Variants in AP1B1 observed in about 807,000 individuals in gnomAD.
AP1B1 encodes the protein adaptor related protein complex 1 subunit beta 1, also known as AP-1 complex subunit beta-1.
A neutral mutation model predicts 104.3 loss-of-function variants in AP1B1; 36 were observed. That is an observed-to-expected ratio of 0.35 (90% confidence interval 0.26 to 0.46). The LOEUF (loss-of-function observed/expected upper bound fraction) is 0.46, where lower values mean the gene tolerates loss of function less well. Among genes scored for constraint, AP1B1 ranks in the 20% least tolerant of loss-of-function variants. AP1B1 has a pLI of 1.00. For synonymous variants in AP1B1, 504 were observed against 517.5 expected (o/e 0.97, Z 0.35); for missense variants, 901 against 1,247.9 (o/e 0.72, Z 4.19).
In AP1B1 at chr22:29,327,852, G is replaced by A. The variant is rs1002849653; in HGVS notation, c.*969C>T. ...TTCGGTGGAGGGGAAAAAAGTGTCC[G>A]TGATTGCCAAAAGCCGAATCTTTCT... is the stretch of plus-strand genomic sequence containing the variant. On this transcript the variant is annotated 3_prime_UTR_variant, in exon 23 of 23. Transcript: ENST00000357586. 78 of 152,286 alleles carry A rather than the reference G, an allele frequency of 5.1e-4. No homozygotes were observed. The highest frequency in any genetic ancestry group is 1.7e-3 in the African/African-American group (72 of 41,534). 9.4% of individuals were successfully genotyped at this position (152,286 alleles called of 1,614,324 possible).
At chr22:29,347,400 T>C (rs1022983113) in intron 11 of AP1B1, among the ~76,000 whole-genome samples, 5 of 152,228 alleles carry the variant, frequency 3.3e-5, no homozygotes, top group Non-Finnish European at 7.3e-5. Context: ...GAAGATCTAA[T>C]GATTCTCATT....
chr22:29,361,940 C>A (rs1000268417), intron 3 of AP1B1, among the ~76,000 whole-genome samples: 7 of 152,066 alleles, frequency 4.6e-5, no homozygotes, highest in Non-Finnish European at 7.4e-5. Flanking sequence ...ATTACAGGTG[C>A]CCACCACCAC....
intron 1 of AP1B1, among the ~76,000 whole-genome samples, chr22:29,374,108 G>A (rs2062292440): frequency 6.8e-6 from 1 of 147,576 alleles, no homozygotes; most frequent in South Asian, 2.1e-4. Flanking sequence ...GGCTGAGGTG[G>A]GAGAATCGCT....
rs1204902050 is a variant in AP1B1, at chr22:29,363,054, C to T, written c.90G>A (p.Lys30=). Residue 30 remains lysine (K), a synonymous_variant, in exon 3 of 23, where the codon AAG becomes AAA. Transcript: ENST00000357586. ...CAATCACTTTCTTCACTGCCTCCTT[C>T]TTCTTCTCCTTCTTGTCACTGTTGA... ...AELNSDKKEK[K]KEAVKKVIAS... is the part of the protein sequence containing the mutation. The T allele has an allele frequency of 7.6e-6, 12 of 1,571,034 alleles. No individual in the cohort carries two copies. In the South Asian group the frequency reaches 1.2e-4, roughly 16 times the overall value.
intron 17 of AP1B1, among the ~76,000 whole-genome samples, chr22:29,333,876 C>G (rs193032916): frequency 2.6e-5 from 4 of 151,810 alleles, no homozygotes; most frequent in Non-Finnish European, 5.9e-5. Flanking sequence ...CCAGCCTGGG[C>G]AAGATGGTGA....
chr22:29,350,158 G>A lies in AP1B1; in HGVS notation c.1156-8C>T, dbSNP rs777595249. On this transcript the variant is annotated splice_polypyrimidine_tract_variant and splice_region_variant and intron_variant, in intron 9 of 22. Coordinates refer to ENST00000357586, the MANE Select transcript of AP1B1 (RefSeq NM_001127.4). ...ACAGCGCTCCGCAGATTGCTGCATG[G>A]GAAGAGAAGAGTGTGGGCGAGGTCC... 3 of 1,612,642 alleles carry A rather than the reference G, an allele frequency of 1.9e-6. No individual in the cohort carries two copies. Among genetic ancestry groups the A allele is most frequent in the South Asian group, 2.2e-5 (2 of 91,052 alleles).
At chr22:29,378,710 T>G (rs1216252936) in intron 1 of AP1B1, among the ~76,000 whole-genome samples, 4 of 151,162 alleles carry the variant, frequency 2.6e-5, no homozygotes, top group Admixed American at 1.3e-4. Flanking sequence ...ATACAAAAAA[T>G]TAGCTGGGCC....
intron 11 of AP1B1, 49 bp from the exon 12 acceptor site, chr22:29,342,432 A>G: frequency 1.4e-6 from 2 of 1,480,632 alleles, no homozygotes; most frequent in South Asian, 2.3e-5. Flanking sequence ...TCACATGGGG[A>G]TAGAGGGAGA....
rs979151948 is a variant in AP1B1, at chr22:29,328,633, C to T, written c.*188G>A. On this transcript the variant is annotated 3_prime_UTR_variant, in exon 23 of 23. Coordinates refer to ENST00000357586, the MANE Select transcript of AP1B1 (RefSeq NM_001127.4). This position sits in a 1 kb window ranked among gnomAD's most constrained non-coding sequence, Gnocchi z 4.1. ...TGTCCCAGAGCACGGGAGTGCACTG[C>T]GCTCTCACCCCAGGAGGGGGTGGTG... 2.4e-5 allele frequency: 16 copies of T among 659,176 alleles called. No homozygotes were observed. Among genetic ancestry groups the T allele is most frequent in the Admixed American group, 5.9e-5 (2 of 34,170 alleles). The allele number at this position is 659,176 out of a possible 1,614,324, so 40.8% of individuals were successfully genotyped here.
intron 22 of AP1B1, chr22:29,329,164 C>T (rs2061519384): frequency 1.3e-5 from 17 of 1,286,098 alleles, no homozygotes; most frequent in South Asian, 8.4e-5. Flanking sequence ...AGTCACGAGC[C>T]GGAGGCTGCC....
chr22:29,380,026 AG>A (rs1569167585), intron 1 of AP1B1, among the ~76,000 whole-genome samples: 1 of 152,212 alleles, frequency 6.6e-6, no homozygotes, highest in African/African-American at 2.4e-5. Flanking sequence ...GGAGCAGACG[AG>A]GCTAGGGAAG....
chr22:29,331,998 T>TG, intron 17 of AP1B1, 82 bp from the exon 18 acceptor site: 1 of 1,406,252 alleles, frequency 7.1e-7, no homozygotes, highest in Non-Finnish European at 9.6e-7. Flanking sequence ...ACTCGGGAGC[T>TG]GGGGCTGTGG....
intron 21 of AP1B1, chr22:29,330,077 T>A: frequency 7.1e-7 from 1 of 1,412,656 alleles, no homozygotes; most frequent in South Asian, 1.5e-5. Context: ...CCAGGGCCTG[T>A]GCCCAGCAAT....
At chr22:29,361,149 T>C (rs1371697167) in intron 3 of AP1B1, among the ~76,000 whole-genome samples, 1 of 152,218 alleles carries the variant, frequency 6.6e-6, no homozygotes, top group Non-Finnish European at 1.5e-5. Context: ...GGAGAGCAGC[T>C]TTGTCCTGGA....
At position 29,356,506 on chromosome 22, in the gene AP1B1, A is replaced by G. The variant is rs774553820; in HGVS notation, c.636T>C (p.Asn212=). The G allele has an allele frequency of 6.2e-5, 100 of 1,614,062 alleles. No homozygotes were observed. ...QSINKLLTAL[N]ECTEWGQIFI... The stretch of plus-strand genomic sequence containing the variant: ...AGATCTGGCCCCACTCGGTGCACTC[A>G]TTGAGGGCTGTCAGCAGCTTGTTGA... The change falls in exon 6 of 23, where the codon AAT becomes AAC. Residue 212 remains asparagine (N), a synonymous_variant. Transcript: ENST00000357586.
intron 4 of AP1B1, 117 bp downstream of exon 4, chr22:29,359,707 C>A: frequency 7.3e-7 from 1 of 1,368,120 alleles, no homozygotes; most frequent in Non-Finnish European, 9.8e-7. Flanking sequence ...TGGGCGGGCG[C>A]GGGCAGTCTG....
At chr22:29,363,162 C>G (rs2062077298) in intron 2 of AP1B1, 56 bp from the exon 3 acceptor site, 6 of 811,022 alleles carry the variant, frequency 7.4e-6, no homozygotes, top group Non-Finnish European at 1.3e-5. Flanking sequence ...GGGGACAATT[C>G]CCAGTATCTA....
At chr22:29,363,250 A>G in intron 2 of AP1B1, 144 bp from the exon 3 acceptor site, 2 of 606,508 alleles carry the variant, frequency 3.3e-6, no homozygotes, top group East Asian at 2.7e-5. Context: ...GCCTGGCCTC[A>G]GGTGGGCCAG....
At chr22:29,349,890 G>A (rs576436130) in intron 10 of AP1B1, 145 bp downstream of exon 10, 96 of 690,078 alleles carry the variant, frequency 1.4e-4, no homozygotes, top group Non-Finnish European at 1.0e-4. Flanking sequence ...CAGTGTGGAC[G>A]AAATAAAAAA....
Sources: gnomAD v4.1 joint callset for allele counts (sites outside exome capture counted in the v4.1 genomes callset) on GRCh38, gnomAD v4.1.1 for gene constraint, Gnocchi (gnomAD v3.1) non-coding constraint, MANE v1.5 for transcripts, NCBI Gene and HGNC (gene_info 2026-07-23, HGNC 2026-07-21) for gene names.